MYO7B: variants seen among roughly 807,000 people sequenced by gnomAD.
The protein encoded by MYO7B is myosin VIIB.
Under a neutral mutation model 259.7 loss-of-function variants are expected in MYO7B, and 212 were observed. The ratio of observed to expected loss-of-function variants is 0.82; its 90% CI spans 0.73 to 0.91. The LOEUF is 0.91. Among genes scored for constraint, MYO7B ranks in the 40% least tolerant of loss-of-function variants. MYO7B has a pLI of 0.00. For missense variants in MYO7B, 2,732 were observed against 2,813.5 expected (o/e 0.97, Z 0.66); for synonymous variants, 1,197 against 1,166.4 (o/e 1.03, Z -0.54).
intron 6 of MYO7B, among the ~76,000 whole-genome samples, chr2:127,573,509 T>C (rs1678733230): frequency 6.6e-6 from 1 of 152,136 alleles, no homozygotes; most frequent in East Asian, 1.9e-4. Context: ...TGAGCCATCT[T>C]TCTAAGCTGT....
At chr2:127,595,659 G>A (rs796738265) in intron 18 of MYO7B, among the ~76,000 whole-genome samples, 1 of 152,234 alleles carries the variant, frequency 6.6e-6, no homozygotes, top group African/African-American at 2.4e-5. Context: ...AGAGCTTCTG[G>A]TATGTTGTCT....
intron 28 of MYO7B, among the ~76,000 whole-genome samples, chr2:127,622,488 G>T (rs953416127): frequency 6.6e-6 from 1 of 152,166 alleles, no homozygotes; most frequent in African/African-American, 2.4e-5. Context: ...GTGCCACCTC[G>T]ACCTGCTTTG....
At chr2:127,562,060 T>C (rs1181342009) in intron 2 of MYO7B, among the ~76,000 whole-genome samples, 2 of 152,170 alleles carry the variant, frequency 1.3e-5, no homozygotes, top group Admixed American at 1.3e-4. Flanking sequence ...CATCTCACTC[T>C]GGTGCCTCTT....
rs1457033567 is a variant in MYO7B at position 127,637,310 on chromosome 2, G to C, written c.6328-6G>C. On this transcript the variant is annotated splice_region_variant and splice_polypyrimidine_tract_variant and intron_variant, in intron 47 of 47. Coordinates refer to ENST00000409816, the MANE Select transcript of MYO7B (RefSeq NM_001393586.1). ...ACAGCCTCTGACCCCCCCGTCCCCT[G>C]TCCAGGGCTATAAGATGGATGACCT... The C allele has an allele frequency of 5.1e-6, 8 of 1,574,212 alleles. No individual in the cohort carries two copies. Among genetic ancestry groups the C allele is most frequent in the Admixed American group, 1.8e-5 (1 of 54,328 alleles).
In MYO7B at chr2:127,585,811, C is replaced by A. The variant is rs1027562698; in HGVS notation, c.1690+898C>A. On this transcript the variant is annotated intron_variant, in intron 14 of 47. Transcript: ENST00000409816. The surrounding 1 kb of genome is among the most constrained non-coding windows in gnomAD (Gnocchi z 4.3). ...GTCTCAATGTGATTTGCATCTGCAT[C>A]CCCCGATGGCTAATGATGTTGATCG... Among the ~76,000 whole-genome samples the A allele has an allele frequency of 6.6e-6, 1 of 152,200 alleles. No individual in the cohort carries two copies. The highest frequency in any genetic ancestry group is 2.4e-5 in the African/African-American group (1 of 41,432).
At chr2:127,624,769 G>A (rs753346016) in intron 30 of MYO7B, among the ~76,000 whole-genome samples, 29 of 152,194 alleles carry the variant, frequency 1.9e-4, no homozygotes, top group Non-Finnish European at 4.0e-4. Flanking sequence ...GAGTGTACCG[G>A]GAGCTCTTTT....
chr2:127,607,544 G>GC lies in MYO7B; in HGVS notation c.2643+125dup, dbSNP rs151094626. 1 of 794,512 alleles carries GC rather than the reference G, an allele frequency of 1.3e-6. No homozygotes were observed. The allele number at this position is 794,512 out of a possible 1,614,324, so 49.2% of individuals were successfully genotyped here. ...CAGAAGCGCTTTGGAAAATCCCCCC[G>GC]CCCCCGCCACAAGCCAAGACGTTAA... is the stretch of plus-strand genomic sequence containing the variant. On this transcript the variant is annotated intron_variant, in intron 21 of 47. Transcript: ENST00000409816. This position sits in a 1 kb window ranked among gnomAD's most constrained non-coding sequence, Gnocchi z 4.4.
chr2:127,608,661 T>G, intron 21 of MYO7B, 47 bp from the exon 22 acceptor site: 3 of 1,573,160 alleles, frequency 1.9e-6, no homozygotes, highest in Non-Finnish European at 2.6e-6. Context: ...CTGGGCCCCC[T>G]GAGCCCTGCT....
chr2:127,634,659 A>G lies in MYO7B; in HGVS notation c.5689A>G (p.Lys1897Glu). The G allele has an allele frequency of 6.2e-7, 1 of 1,611,362 alleles. No individual in the cohort carries two copies. Among genetic ancestry groups the G allele is most frequent in the Non-Finnish European group, 8.5e-7 (1 of 1,179,408 alleles). Residue 1897 changes from lysine (K) to glutamate (E), a missense_variant, in exon 42 of 48, where the codon AAG becomes GAG. Physicochemically the swap from Lys to Glu is moderately conservative, Grantham distance 56. Around this residue, in one of 3 missense-constraint regions of MYO7B, gnomAD observed 821 missense variants for 769.3 expected, o/e 1.07. Transcript: ENST00000409816. Reference sequence around the variant, plus strand: ...CTTGAGGGAGGTGTCTGACTGGGTGAAGAAGAACAAGCCCCAGAAAGAAGG... The same window carrying G: ...CTTGAGGGAGGTGTCTGACTGGGTGGAGAAGAACAAGCCCCAGAAAGAAGG... ...DSLREVSDWV[K>E]KNKPQKEGAP...
intron 1 of MYO7B, among the ~76,000 whole-genome samples, chr2:127,553,372 G>C (rs1488087491): frequency 4.6e-5 from 7 of 152,154 alleles, no homozygotes; most frequent in African/African-American, 1.7e-4. Flanking sequence ...TCACAACGTT[G>C]ATTCTACCCA....
chr2:127,587,797 G>C (rs923269652), intron 14 of MYO7B, among the ~76,000 whole-genome samples: 2 of 151,842 alleles, frequency 1.3e-5, no homozygotes, highest in African/African-American at 4.8e-5. Context: ...TCGAACTCCT[G>C]ACCTTGTGAT....
chr2:127,573,250 C>T (rs1461719987), intron 6 of MYO7B, among the ~76,000 whole-genome samples: 1 of 152,166 alleles, frequency 6.6e-6, no homozygotes, highest in Non-Finnish European at 1.5e-5. Context: ...AGAATAGAAA[C>T]ACCCCAGCAC....
At position 127,613,729 on chromosome 2, in the gene MYO7B, A is replaced by AT. The variant is rs1181863665; in HGVS notation, c.3398+1132dup. Among the ~76,000 whole-genome samples the AT allele has an allele frequency of 2.0e-5, 3 of 152,132 alleles. No homozygotes were observed. Among genetic ancestry groups the AT allele is most frequent in the African/African-American group, 4.8e-5 (2 of 41,416 alleles). ...TGTTATACTCTTTCAAAGAGCATTGATTTTTTGTTTTAGGAGGCAACTACC... is the reference window on the plus strand; with the variant it reads ...TGTTATACTCTTTCAAAGAGCATTGATTTTTTTGTTTTAGGAGGCAACTACC... On this transcript the variant is annotated intron_variant, in intron 26 of 47. Transcript: ENST00000409816. The surrounding 1 kb of genome is among the most constrained non-coding windows in gnomAD (Gnocchi z 4.3).
Position 127,590,192 on chromosome 2 carries a change from T to C in MYO7B, c.1955T>C (p.Ile652Thr), listed in dbSNP as rs754577597. Reference sequence around the variant, plus strand: ...CTGACCAACTGCCAGCCTTACTTCATCCGCTGCATCAAACCTAATGAGTAC... The same window carrying C: ...CTGACCAACTGCCAGCCTTACTTCACCCGCTGCATCAAACCTAATGAGTAC... Reference protein sequence around the residue: ...KILTNCQPYFIRCIKPNEYKK... With the variant: ...KILTNCQPYFTRCIKPNEYKK... Residue 652 changes from isoleucine (I) to threonine (T), a missense_variant, in exon 16 of 48, where the codon ATC (isoleucine) becomes ACC (threonine). Physicochemically the swap from Ile to Thr is moderately conservative, Grantham distance 89. Around this residue, in one of 3 missense-constraint regions of MYO7B, gnomAD observed 1,906 missense variants for 2,026.4 expected, o/e 0.94. Coordinates refer to ENST00000409816, the MANE Select transcript of MYO7B (RefSeq NM_001393586.1). This position sits in a 1 kb window ranked among gnomAD's most constrained non-coding sequence, Gnocchi z 4.6. 3 of 1,612,904 alleles carry C rather than the reference T, an allele frequency of 1.9e-6. 1 individual carries two copies. The highest frequency in any genetic ancestry group is 2.5e-6 in the Non-Finnish European group (3 of 1,179,786).
intron 42 of MYO7B, 121 bp downstream of exon 42, chr2:127,634,804 G>A (rs766991273): frequency 7.2e-5 from 74 of 1,022,774 alleles, no homozygotes; most frequent in Non-Finnish European, 1.1e-4. Flanking sequence ...TCCCTGGGTT[G>A]TGGGAACAAC....
chr2:127,618,019 G>T (rs866572405), intron 26 of MYO7B, among the ~76,000 whole-genome samples: 62 of 151,832 alleles, frequency 4.1e-4, no homozygotes, highest in African/African-American at 1.5e-3. Flanking sequence ...GTTAGTTCCC[G>T]CAAGTCCCTG....
chr2:127,567,499 G>A (rs1037408653), intron 5 of MYO7B, among the ~76,000 whole-genome samples: 2 of 152,168 alleles, frequency 1.3e-5, no homozygotes, highest in Admixed American at 1.3e-4. Flanking sequence ...TGAGAACTTG[G>A]AGGGGAGGGT....
In MYO7B at chr2:127,584,434, C is replaced by A; in HGVS notation, c.1554+102C>A. On this transcript the variant is annotated intron_variant, in intron 13 of 47. Coordinates refer to ENST00000409816, the MANE Select transcript of MYO7B (RefSeq NM_001393586.1). The surrounding 1 kb of genome is among the most constrained non-coding windows in gnomAD (Gnocchi z 5.8). ...TGGGTGGGCCACTTGTTCTGAGAGTCACTAAAACCTCTGCCAGGAATAAGC... is the reference window on the plus strand; with the variant it reads ...TGGGTGGGCCACTTGTTCTGAGAGTAACTAAAACCTCTGCCAGGAATAAGC... 8.0e-7 allele frequency: 1 copy of A among 1,253,350 alleles called. No individual in the cohort carries two copies. The highest frequency in any genetic ancestry group is 1.1e-6 in the Non-Finnish European group (1 of 893,092). The allele number at this position is 1,253,350 out of a possible 1,614,324, so 77.6% of individuals were successfully genotyped here.
rs917410651 is a variant in MYO7B at position 127,597,523 on chromosome 2, C to T, written c.2339+967C>T. Among the ~76,000 whole-genome samples the T allele has an allele frequency of 2.6e-5, 4 of 152,076 alleles. No individual in the cohort carries two copies. Among genetic ancestry groups the T allele is most frequent in the Admixed American group, 6.6e-5 (1 of 15,264 alleles). ...GTTGCCATTGCACAAATGTTATATA[C>T]GTGGAATTATACAACATGCAGCCTG... On this transcript the variant is annotated intron_variant, in intron 19 of 47. Transcript: ENST00000409816. The surrounding 1 kb of genome is among the most constrained non-coding windows in gnomAD (Gnocchi z 4.8).
Sources: allele counts gnomAD v4.1 joint callset (sites outside exome capture counted in the v4.1 genomes callset), GRCh38; gene constraint gnomAD v4.1.1; regional missense constraint gnomAD v4.1.1; non-coding constraint Gnocchi (gnomAD v3.1); transcripts MANE v1.5; gene names NCBI Gene and HGNC (gene_info 2026-07-23, HGNC 2026-07-21).